The following SPAG16 variants were observed in gnomAD, a reference collection of about 807,000 sequenced individuals.
The protein encoded by SPAG16 is sperm-associated antigen 16 protein.
A neutral mutation model predicts 80.4 loss-of-function variants in SPAG16; 86 were observed. That is an observed-to-expected ratio of 1.07 (90% confidence interval 0.90 to 1.28). SPAG16 has a LOEUF of 1.28. SPAG16 is among the 50% of genes most tolerant of loss of function. The pLI is 0.00. For synonymous variants in SPAG16, 294 were observed against 265.9 expected, an observed-to-expected ratio of 1.11 and a Z score of -1.03; for missense variants, 870 against 765.3, an observed-to-expected ratio of 1.14 and a Z score of -1.61.
chr2:214,282,554 A>G (rs978134062), intron 15 of SPAG16, among the ~76,000 whole-genome samples: 2 of 152,156 alleles, frequency 1.3e-5, no homozygotes, highest in African/African-American at 4.8e-5. Context: ...CTTACTACCT[A>G]TTCTAATAGG....
rs1036930107 is a variant in SPAG16 at position 213,991,836 on chromosome 2, A to C, written c.1401-22115A>C. Among the ~76,000 whole-genome samples, 13 of 151,450 alleles carry C rather than the reference A, an allele frequency of 8.6e-5. 1 individual carries two copies. The highest frequency in any genetic ancestry group is 4.6e-4 in the Admixed American group (7 of 15,152). ...TTAATCTAGTGGTTCACCACTCTCA[A>C]GGGGACATTTTGACAATTGAGAGTT... On this transcript the variant is annotated intron_variant, in intron 12 of 15. Coordinates refer to ENST00000331683, the MANE Select transcript of SPAG16 (RefSeq NM_024532.5).
chr2:214,216,873 G>A (rs1396339111), intron 15 of SPAG16, among the ~76,000 whole-genome samples: 1 of 152,206 alleles, frequency 6.6e-6, no homozygotes, highest in Non-Finnish European at 1.5e-5. Context: ...CAGGTATTAT[G>A]TTGAAGGAAA....
chr2:213,760,175 G>T lies in SPAG16; in HGVS notation c.1071-102310G>T, dbSNP rs2068577502. Among the ~76,000 whole-genome samples the T allele has an allele frequency of 2.0e-5, 3 of 152,238 alleles. 1 individual carries two copies. In the South Asian group the frequency reaches 6.2e-4, roughly 32 times the overall value. On this transcript the variant is annotated intron_variant, in intron 10 of 15. Transcript: ENST00000331683. Reference sequence around the variant, plus strand: ...ATTTTTTTAAAAAAGATCTATGTGTGTACAAGAGACTCATTTTAGATCCAA... The same window carrying T: ...ATTTTTTTAAAAAAGATCTATGTGTTTACAAGAGACTCATTTTAGATCCAA...
chr2:214,288,246 C>A (rs1247598051), intron 15 of SPAG16, among the ~76,000 whole-genome samples: 2 of 152,068 alleles, frequency 1.3e-5, no homozygotes, highest in East Asian at 3.9e-4. Flanking sequence ...ACTGCAAATG[C>A]CCTAATTTTA....
At chr2:214,002,005 G>A (rs2046811542) in intron 12 of SPAG16, among the ~76,000 whole-genome samples, 1 of 152,152 alleles carries the variant, frequency 6.6e-6, no homozygotes, top group Admixed American at 6.5e-5. Context: ...CAGCTTGCAT[G>A]GTGGCAGACA....
At chr2:214,383,689 T>G (rs1037015223) in intron 15 of SPAG16, among the ~76,000 whole-genome samples, 1 of 152,098 alleles carries the variant, frequency 6.6e-6, no homozygotes, top group Non-Finnish European at 1.5e-5. Flanking sequence ...AGAATCTAAC[T>G]TGTTAAGGCT....
At chr2:213,626,246 C>T (rs1433555268) in intron 10 of SPAG16, among the ~76,000 whole-genome samples, 1 of 151,898 alleles carries the variant, frequency 6.6e-6, no homozygotes, top group Non-Finnish European at 1.5e-5. Context: ...AGCAGTCCAG[C>T]ATATTAAATG....
intron 10 of SPAG16, among the ~76,000 whole-genome samples, chr2:213,684,126 A>G (rs947004007): frequency 1.3e-5 from 2 of 152,362 alleles, no homozygotes; most frequent in Middle Eastern, 3.4e-3. Context: ...CAAGGTTTAT[A>G]AAAGCTTGAA....
chr2:214,144,770 G>C (rs1346372960), intron 14 of SPAG16, among the ~76,000 whole-genome samples: 6 of 151,870 alleles, frequency 4.0e-5, no homozygotes, highest in African/African-American at 1.5e-4. Flanking sequence ...AAAAGAAAAA[G>C]GTATTTATAT....
chr2:213,401,929 G>A (rs1011166939), intron 9 of SPAG16, among the ~76,000 whole-genome samples: 1 of 151,754 alleles, frequency 6.6e-6, no homozygotes, highest in African/African-American at 2.4e-5. Flanking sequence ...TAATTACTTG[G>A]ATAATAGAAA....
Position 214,108,280 on chromosome 2 carries a change from G to A in SPAG16, c.1593+19G>A. ...TCCCAGGGTAAGTTCAGTTCTCCCA[G>A]TAAACTGTTTTTAATGCTTCATATA... On this transcript the variant is annotated intron_variant, in intron 14 of 15. Transcript: ENST00000331683. 1 of 1,584,260 alleles carries A rather than the reference G, an allele frequency of 6.3e-7. No individual in the cohort carries two copies. The highest frequency in any genetic ancestry group is 8.6e-7 in the Non-Finnish European group (1 of 1,160,284).
At chr2:214,309,588 G>T (rs1231697659) in intron 15 of SPAG16, among the ~76,000 whole-genome samples, 2 of 151,388 alleles carry the variant, frequency 1.3e-5, no homozygotes, top group Non-Finnish European at 2.9e-5. Flanking sequence ...TATCCTATTT[G>T]ATGACCATGA....
intron 15 of SPAG16, among the ~76,000 whole-genome samples, chr2:214,166,685 T>C (rs183075582): frequency 2.6e-5 from 4 of 152,320 alleles, no homozygotes; most frequent in African/African-American, 9.6e-5. Context: ...GCTCTTTGTT[T>C]CCTGGCGGGG....
At chr2:213,898,469 CT>C (rs2077082376) in intron 11 of SPAG16, among the ~76,000 whole-genome samples, 1 of 152,066 alleles carries the variant, frequency 6.6e-6, no homozygotes, top group Non-Finnish European at 1.5e-5. Flanking sequence ...AAACTGTGAT[CT>C]TTTCTGGAGT....
At chr2:214,024,067 T>C (rs553739762) in intron 13 of SPAG16, among the ~76,000 whole-genome samples, 6 of 151,748 alleles carry the variant, frequency 4.0e-5, no homozygotes, top group Admixed American at 6.6e-5. Context: ...TTGGATGAGA[T>C]AAAAGTAAGT....
chr2:214,340,331 G>A (rs189200104), intron 15 of SPAG16, among the ~76,000 whole-genome samples: 35 of 152,262 alleles, frequency 2.3e-4, no homozygotes, highest in Admixed American at 1.7e-3. Context: ...CTGCCCCAGC[G>A]TTATCCATTT....
At chr2:214,132,979 C>T (rs2054857269) in intron 14 of SPAG16, among the ~76,000 whole-genome samples, 1 of 152,054 alleles carries the variant, frequency 6.6e-6, no homozygotes, top group African/African-American at 2.4e-5. Flanking sequence ...GTAATCCCAG[C>T]TACTGGGGAG....
At chr2:214,106,338 T>TG (rs2053382411) in intron 13 of SPAG16, among the ~76,000 whole-genome samples, 1 of 152,186 alleles carries the variant, frequency 6.6e-6, no homozygotes, top group Non-Finnish European at 1.5e-5. Context: ...TTGGGATGAT[T>TG]TGAAGTTCTT....
intron 8 of SPAG16, among the ~76,000 whole-genome samples, chr2:213,373,688 T>C (rs757733377): frequency 3.3e-5 from 5 of 152,206 alleles, no homozygotes; most frequent in Non-Finnish European, 7.4e-5. Flanking sequence ...TCCCTACTGA[T>C]TTCTCTTTTC....
Sources: allele counts gnomAD v4.1 joint callset (sites outside exome capture counted in the v4.1 genomes callset), GRCh38; gene constraint gnomAD v4.1.1; transcripts MANE v1.5; gene names NCBI Gene and HGNC (gene_info 2026-07-23, HGNC 2026-07-21).